The following NLK variants were observed in gnomAD, a reference collection of about 807,000 sequenced individuals.
The protein encoded by NLK is nemo like kinase, also known as serine/threonine-protein kinase NLK.
NLK carries 11 observed loss-of-function variants against 59.0 expected under a neutral mutation model. The ratio of observed to expected loss-of-function variants is 0.19; its 90% CI spans 0.12 to 0.31. The LOEUF is 0.31. Among genes scored for constraint, NLK ranks in the 10% least tolerant of loss-of-function variants. The pLI, the probability that NLK is intolerant of heterozygous loss-of-function variation, is 1.00. For synonymous variants in NLK, 235 were observed against 235.9 expected (o/e 1.00, Z 0.03); for missense variants, 410 against 661.1 (o/e 0.62, Z 4.16).
rs561414954 is a variant in NLK, at chr17:28,188,175, C to CTCCA, written c.1237-2842_1237-2839dup. 1.6e-4 allele frequency among the ~76,000 whole-genome samples: 24 copies of CTCCA among 152,312 alleles called. No individual in the cohort carries two copies. In the South Asian group the frequency reaches 5.0e-3, roughly 32 times the overall value. ...AGTGAGCCATGAGCTCACCATTGTA[C>CTCCA]TCCATCCTGGCAAGGGAGACAGAGG... On this transcript the variant is annotated intron_variant, in intron 8 of 10. Transcript: ENST00000407008.
At chr17:28,081,902 G>A (rs187848939) in intron 1 of NLK, among the ~76,000 whole-genome samples, 5 of 152,116 alleles carry the variant, frequency 3.3e-5, no homozygotes, top group Admixed American at 3.3e-4. Context: ...GTTTTGTTTT[G>A]TTTCCTTTTG....
intron 4 of NLK, among the ~76,000 whole-genome samples, chr17:28,162,783 G>A (rs1908065004): frequency 6.6e-6 from 1 of 152,146 alleles, no homozygotes; most frequent in South Asian, 2.1e-4. Context: ...GCCGGATATG[G>A]TGGTACATGC....
Position 28,124,208 on chromosome 17 carries a change from A to T in NLK, c.588+1476A>T, listed in dbSNP as rs1230957700. ...TAGTCAATTGGAACTGCCTAGCAAT[A>T]TGCTTGTTTTAATACATTTCAAAAT... On this transcript the variant is annotated intron_variant, in intron 2 of 10. Coordinates refer to ENST00000407008, the MANE Select transcript of NLK (RefSeq NM_016231.5). 3.3e-5 allele frequency among the ~76,000 whole-genome samples: 5 copies of T among 152,280 alleles called. No homozygotes were observed. In the East Asian group the frequency reaches 9.7e-4, roughly 29 times the overall value.
chr17:28,150,423 G>A (rs1438666016), intron 3 of NLK, among the ~76,000 whole-genome samples: 2 of 152,184 alleles, frequency 1.3e-5, no homozygotes, highest in Non-Finnish European at 2.9e-5. Context: ...CTAGGAGTCA[G>A]GAAACCTGAG....
chr17:28,186,811 C>T (rs35951073), intron 8 of NLK, among the ~76,000 whole-genome samples: 21 of 152,298 alleles, frequency 1.4e-4, no homozygotes, highest in Non-Finnish European at 2.5e-4. Context: ...TGGGTGGGGA[C>T]ACAGCCAAAC....
At chr17:28,181,271 T>A (rs1049838922) in intron 7 of NLK, among the ~76,000 whole-genome samples, 2 of 151,968 alleles carry the variant, frequency 1.3e-5, no homozygotes, top group African/African-American at 4.8e-5. Context: ...GTGTGGCAGG[T>A]GCCTGTAATC....
chr17:28,193,429 G>A (rs1470201713), intron 10 of NLK, among the ~76,000 whole-genome samples: 1 of 152,176 alleles, frequency 6.6e-6, no homozygotes, highest in African/African-American at 2.4e-5. Flanking sequence ...GACCAAAGCT[G>A]AGCCTTCCAC....
intron 7 of NLK, among the ~76,000 whole-genome samples, chr17:28,173,040 AAC>A (rs1908528075): frequency 6.6e-6 from 1 of 152,232 alleles, no homozygotes; most frequent in East Asian, 1.9e-4. Flanking sequence ...TCTTGCCACT[AAC>A]ACAGAATCAG....
chr17:28,182,066 A>G (rs569113188), intron 7 of NLK, among the ~76,000 whole-genome samples: 16 of 152,276 alleles, frequency 1.1e-4, no homozygotes, highest in Non-Finnish European at 1.9e-4. Context: ...AACTTCAGAA[A>G]TCAGATGGTC....
intron 3 of NLK, among the ~76,000 whole-genome samples, chr17:28,150,867 A>G (rs1907451451): frequency 1.3e-5 from 2 of 152,324 alleles, no homozygotes; most frequent in South Asian, 2.1e-4. Context: ...AGAGATGGTT[A>G]ATCTGCTCAT....
chr17:28,138,301 C>A (rs1906845887), intron 3 of NLK, among the ~76,000 whole-genome samples: 1 of 152,194 alleles, frequency 6.6e-6, no homozygotes, highest in South Asian at 2.1e-4. Flanking sequence ...GTCTTCTATG[C>A]TAGAAGCAAT....
intron 1 of NLK, among the ~76,000 whole-genome samples, chr17:28,044,486 A>T (rs576166784): frequency 2.6e-5 from 4 of 152,256 alleles, no homozygotes; most frequent in African/African-American, 9.6e-5. Flanking sequence ...AAGTGATCTC[A>T]TCCATTTTTT....
At chr17:28,110,621 T>G (rs138381009) in intron 1 of NLK, among the ~76,000 whole-genome samples, 2 of 152,084 alleles carry the variant, frequency 1.3e-5, no homozygotes, top group African/African-American at 4.8e-5. Flanking sequence ...ATATTCCCAT[T>G]GCATGCATGT....
intron 7 of NLK, among the ~76,000 whole-genome samples, chr17:28,176,389 T>G (rs1458206182): frequency 6.6e-6 from 1 of 152,220 alleles, no homozygotes; most frequent in East Asian, 1.9e-4. Flanking sequence ...AGACATAAAT[T>G]ATCATTTTTG....
At chr17:28,134,331 G>A (rs1429042962) in intron 3 of NLK, among the ~76,000 whole-genome samples, 1 of 152,132 alleles carries the variant, frequency 6.6e-6, no homozygotes, top group Non-Finnish European at 1.5e-5. Context: ...AGCCCGGGAG[G>A]TCGAGGCTGT....
At chr17:28,197,995 A>AT (rs1239328357), downstream of NLK, among the ~76,000 whole-genome samples, 2 of 152,196 alleles carry the variant, frequency 1.3e-5, no homozygotes, top group Non-Finnish European at 2.9e-5. Flanking sequence ...CAGTGAACAC[A>AT]TGGGGGAAAC....
intron 1 of NLK, among the ~76,000 whole-genome samples, chr17:28,068,940 A>T (rs767517268): frequency 8.5e-5 from 13 of 152,176 alleles, no homozygotes; most frequent in Non-Finnish European, 1.3e-4. Context: ...CAGCCTCCCA[A>T]TGTGCTGGAA....
At chr17:28,149,584 A>G (rs1341640476) in intron 3 of NLK, among the ~76,000 whole-genome samples, 6 of 152,236 alleles carry the variant, frequency 3.9e-5, no homozygotes, top group Admixed American at 3.3e-4. Flanking sequence ...TTAGAAGAAT[A>G]TATCTTTGTT....
intron 10 of NLK, among the ~76,000 whole-genome samples, chr17:28,193,621 A>G (rs538169026): frequency 1.3e-5 from 2 of 152,314 alleles, no homozygotes; most frequent in Admixed American, 6.5e-5. Flanking sequence ...GGATTCGGAT[A>G]TGAGTGGTCA....
Sources: allele counts gnomAD v4.1 joint callset (sites outside exome capture counted in the v4.1 genomes callset), GRCh38; gene constraint gnomAD v4.1.1; transcripts MANE v1.5; gene names NCBI Gene and HGNC (gene_info 2026-07-23, HGNC 2026-07-21).